Variants in PGBD2 observed in about 807,000 individuals in gnomAD.
PGBD2 encodes the protein piggyBac transposable element-derived protein 2.
PGBD2 carries 6 observed loss-of-function variants against 8.1 expected under a neutral mutation model. That is an observed-to-expected ratio of 0.74 (90% CI 0.40 to 1.46). The LOEUF (loss-of-function observed/expected upper bound fraction) is 1.46. Ranked by LOEUF, PGBD2 falls within the 40% of genes most tolerant of loss-of-function variation. The pLI, the probability that PGBD2 is intolerant of heterozygous loss-of-function variation, is 0.02. For synonymous variants in PGBD2, 318 were observed against 272.2 expected (o/e 1.17, Z -1.66); for missense variants, 802 against 739.0 (o/e 1.09, Z -0.99).
the PGBD2 span, among the ~76,000 whole-genome samples, chr1:248,888,445 G>A: frequency 6.6e-6 from 1 of 152,182 alleles, no homozygotes; most frequent in African/African-American, 2.4e-5. Flanking sequence ...CATTCTGACT[G>A]GTGTGAGATG....
At chr1:248,883,012 T>C in the PGBD2 span, among the ~76,000 whole-genome samples, 1 of 152,242 alleles carries the variant, frequency 6.6e-6, no homozygotes, top group Non-Finnish European at 1.5e-5. Context: ...ATGTATATAT[T>C]TGTCAATTTG....
chr1:248,915,292 A>G (rs1036978242), intron 2 of PGBD2, among the ~76,000 whole-genome samples: 2 of 152,212 alleles, frequency 1.3e-5, no homozygotes. Flanking sequence ...AGAGTCTCCC[A>G]CTTAGCGTGG....
At chr1:248,874,206 A>G in the PGBD2 span, among the ~76,000 whole-genome samples, 1 of 152,178 alleles carries the variant, frequency 6.6e-6, no homozygotes, top group East Asian at 1.9e-4. Flanking sequence ...GTCACAGGAT[A>G]TTTATTTAGT....
chr1:248,916,052 GA>G (rs1248671926), intron 2 of PGBD2, among the ~76,000 whole-genome samples: 26 of 152,274 alleles, frequency 1.7e-4, no homozygotes, highest in African/African-American at 6.3e-4. Flanking sequence ...CATCGTTTAA[GA>G]AGGAAAGGAA....
At chr1:248,896,729 T>C in the PGBD2 span, among the ~76,000 whole-genome samples, 5 of 152,322 alleles carry the variant, frequency 3.3e-5, no homozygotes, top group African/African-American at 1.2e-4. Context: ...GTGCATTCTA[T>C]ACCTTCAACT....
the PGBD2 span, among the ~76,000 whole-genome samples, chr1:248,891,028 G>T: frequency 3.3e-5 from 5 of 151,880 alleles, no homozygotes; most frequent in East Asian, 7.7e-4. Context: ...CAATATACAC[G>T]CAGGCATGCA....
chr1:248,911,896 AG>A (rs1442299108), intron 1 of PGBD2, among the ~76,000 whole-genome samples: 4 of 151,728 alleles, frequency 2.6e-5, no homozygotes, highest in Admixed American at 2.6e-4. Context: ...ATATGACACC[AG>A]GTGGGAGAGT....
intron 1 of PGBD2, among the ~76,000 whole-genome samples, chr1:248,908,116 G>A (rs1349263182): frequency 6.6e-6 from 1 of 152,094 alleles, no homozygotes; most frequent in Non-Finnish European, 1.5e-5. Flanking sequence ...GGCCTTATTC[G>A]AATTTCTTTA....
rs144209465 is a variant in PGBD2 at position 248,910,739 on chromosome 1, T to C, written c.-47-3077T>C. Among the ~76,000 whole-genome samples the C allele has an allele frequency of 1.7e-4, 26 of 152,290 alleles. No individual in the cohort carries two copies. In the East Asian group the frequency reaches 4.6e-3, roughly 27 times the overall value. ...GACATCACAATCACACACTTGGATT[T>C]ACTGAAAGCCCATGGGGACTCATGT... On this transcript the variant is annotated intron_variant, in intron 1 of 2. Transcript: ENST00000329291.
chr1:248,907,459 T>C (rs534949650), intron 1 of PGBD2, among the ~76,000 whole-genome samples: 24 of 152,244 alleles, frequency 1.6e-4, no homozygotes, highest in Non-Finnish European at 2.8e-4. Flanking sequence ...CCTCTTTTAC[T>C]AATCCACCTC....
chr1:248,917,716 A>G lies in PGBD2; in HGVS notation c.1132A>G (p.Arg378Gly), dbSNP rs142520564. The G allele has an allele frequency of 1.9e-5, 30 of 1,614,258 alleles. No individual in the cohort carries two copies. Among genetic ancestry groups the G allele is most frequent in the African/African-American group, 2.7e-5 (2 of 75,058 alleles). Residue 378 changes from arginine to glycine, a missense_variant, in exon 3 of 3, where the codon AGG becomes GGG. Physicochemically the swap from Arg to Gly is moderately radical, Grantham distance 125. Coordinates refer to ENST00000329291, the MANE Select transcript of PGBD2 (RefSeq NM_170725.3). ...AGCCACAGGAACTGTTCGTGAGTAC[A>G]GGACTGAGCGATGTCCCCTAAAAGA... ...VKATGTVREY[R>G]TERCPLKDPK...
chr1:248,904,273 G>T (rs1453634617), upstream of PGBD2, among the ~76,000 whole-genome samples: 1 of 151,068 alleles, frequency 6.6e-6, no homozygotes, highest in Non-Finnish European at 1.5e-5. Flanking sequence ...AGCTTAACGG[G>T]CTAAATTTTT....
chr1:248,880,004 C>T, the PGBD2 span, among the ~76,000 whole-genome samples: 1 of 152,218 alleles, frequency 6.6e-6, no homozygotes, highest in Admixed American at 6.5e-5. Context: ...ATTATATGGT[C>T]CTGGAGTCTG....
chr1:248,892,953 T>A, the PGBD2 span, among the ~76,000 whole-genome samples: 1 of 152,250 alleles, frequency 6.6e-6, no homozygotes, highest in Non-Finnish European at 1.5e-5. Flanking sequence ...TCATACGTTG[T>A]TGCTTGGAAA....
chr1:248,899,404 A>G, the PGBD2 span, among the ~76,000 whole-genome samples: 8 of 152,172 alleles, frequency 5.3e-5, no homozygotes, highest in African/African-American at 1.9e-4. Context: ...AGTTTCTCAG[A>G]ACACAGTGCA....
chr1:248,874,289 C>G, the PGBD2 span, among the ~76,000 whole-genome samples: 8 of 152,134 alleles, frequency 5.3e-5, no homozygotes, highest in East Asian at 1.9e-4. Context: ...CTCTCACCGC[C>G]GCGGCCCGGG....
upstream of PGBD2, among the ~76,000 whole-genome samples, chr1:248,905,147 A>T (rs1231791677): frequency 2.6e-5 from 4 of 152,180 alleles, no homozygotes; most frequent in East Asian, 7.7e-4. Flanking sequence ...TGACAAACTA[A>T]TACGTGCCCT....
rs968184963 is a variant in PGBD2 at position 248,913,867 on chromosome 1, C to T, written c.5C>T (p.Ala2Val). Residue 2 changes from alanine (A) to valine (V), a missense_variant, in exon 2 of 3, where the codon GCT (alanine) becomes GTT (valine). By Grantham distance (64) the Ala-to-Val change is moderately conservative. Coordinates refer to ENST00000329291, the MANE Select transcript of PGBD2 (RefSeq NM_170725.3). M[A>V]STSRDVIAGR... ...GCTTCATCTTCCCAGTTCATCATGG[C>T]TTCAACATCCAGGTAGGAGTGCTGT... 9 of 1,609,776 alleles carry T rather than the reference C, an allele frequency of 5.6e-6. No homozygotes were observed. The highest frequency in any genetic ancestry group is 7.7e-6 in the Non-Finnish European group (9 of 1,176,178).
At chr1:248,877,883 A>G in the PGBD2 span, among the ~76,000 whole-genome samples, 1 of 152,320 alleles carries the variant, frequency 6.6e-6, no homozygotes, top group Admixed American at 6.5e-5. Context: ...ATATGGGGTT[A>G]GTGGCAAGTA....
Sources: allele counts gnomAD v4.1 joint callset (sites outside exome capture counted in the v4.1 genomes callset), GRCh38; gene constraint gnomAD v4.1.1; transcripts MANE v1.5; gene names NCBI Gene and HGNC (gene_info 2026-07-23, HGNC 2026-07-21).